Variants in ARMC2 observed in about 807,000 individuals in gnomAD.
ARMC2 encodes armadillo repeat containing 2, also known as armadillo repeat-containing protein 2.
A neutral mutation model predicts 90.3 loss-of-function variants in ARMC2; 67 were observed. The ratio of observed to expected loss-of-function variants is 0.74; its 90% CI spans 0.61 to 0.91. The LOEUF is 0.91. Among genes scored for constraint, ARMC2 ranks in the 40% least tolerant of loss-of-function variants. The pLI, the probability that ARMC2 is intolerant of heterozygous loss-of-function variation, is 0.00. For missense variants in ARMC2, 920 were observed against 1,030.9 expected (o/e 0.89, Z 1.47); for synonymous variants, 393 against 393.0 (o/e 1.00, Z 0.00).
intron 2 of ARMC2, among the ~76,000 whole-genome samples, chr6:108,855,250 C>G (rs1434067418): frequency 1.4e-4 from 20 of 138,182 alleles, no homozygotes; most frequent in Admixed American, 7.3e-4. Flanking sequence ...TTTTGTTTTT[C>G]TTTTTTTTTT....
intron 3 of ARMC2, among the ~76,000 whole-genome samples, chr6:108,860,346 A>T (rs1229800020): frequency 6.6e-6 from 1 of 151,894 alleles, no homozygotes; most frequent in Non-Finnish European, 1.5e-5. Flanking sequence ...CTGATGCCTC[A>T]TGCTGTTTGT....
chr6:108,978,715 T>C (rs1468040187), downstream of ARMC2, among the ~76,000 whole-genome samples: 1 of 152,224 alleles, frequency 6.6e-6, no homozygotes, highest in Non-Finnish European at 1.5e-5. Flanking sequence ...CAGTTAGTTC[T>C]TCTTGTTGCA....
the ARMC2 span, among the ~76,000 whole-genome samples, chr6:108,995,752 C>T: frequency 1.1e-4 from 16 of 152,180 alleles, 1 homozygote; most frequent in East Asian, 2.9e-3. Flanking sequence ...CCACTGTATT[C>T]CAGCCTGGAC....
the ARMC2 span, among the ~76,000 whole-genome samples, chr6:109,017,689 C>G: frequency 6.6e-6 from 1 of 152,058 alleles, no homozygotes; most frequent in East Asian, 1.9e-4. Context: ...TACAGATTAG[C>G]AGATAGCTTG....
chr6:109,002,271 A>T, the ARMC2 span: 2 of 1,612,392 alleles, frequency 1.2e-6, no homozygotes, highest in South Asian at 2.2e-5. Flanking sequence ...TTTCACAAAC[A>T]ACGTACCTCC....
chr6:108,884,957 G>A (rs1409690888), intron 5 of ARMC2, among the ~76,000 whole-genome samples: 1 of 152,102 alleles, frequency 6.6e-6, no homozygotes, highest in Admixed American at 6.5e-5. Context: ...TGCAGAAGAG[G>A]CCAGTCACAG....
At chr6:109,007,911 T>C in the ARMC2 span, among the ~76,000 whole-genome samples, 1 of 151,986 alleles carries the variant, frequency 6.6e-6, no homozygotes, top group East Asian at 1.9e-4. Context: ...AGGAGTTCCG[T>C]TTCTTGAAAG....
At chr6:108,858,892 A>G (rs1774934058) in intron 3 of ARMC2, among the ~76,000 whole-genome samples, 1 of 152,126 alleles carries the variant, frequency 6.6e-6, no homozygotes, top group African/African-American at 2.4e-5. Flanking sequence ...GAATTATCTA[A>G]TGACTTCTAA....
the ARMC2 span, among the ~76,000 whole-genome samples, chr6:109,020,207 T>C: frequency 6.6e-6 from 1 of 152,124 alleles, no homozygotes; most frequent in South Asian, 2.1e-4. Context: ...TTATGTATTG[T>C]CACAAGAGAA....
chr6:109,017,177 C>A, the ARMC2 span, among the ~76,000 whole-genome samples: 1 of 152,066 alleles, frequency 6.6e-6, no homozygotes, highest in Admixed American at 6.6e-5. Context: ...CTCTATTTGG[C>A]ATTGAGCCTT....
intron 10 of ARMC2, among the ~76,000 whole-genome samples, chr6:108,927,709 T>A (rs200743331): frequency 1.4e-5 from 2 of 145,190 alleles, no homozygotes; most frequent in African/African-American, 2.5e-5. Context: ...CCTATAAAAT[T>A]AAAAAAAAAA....
chr6:108,873,839 C>T (rs545798122), intron 4 of ARMC2, among the ~76,000 whole-genome samples: 1 of 152,306 alleles, frequency 6.6e-6, no homozygotes, highest in Admixed American at 6.5e-5. Context: ...CTCTCTGCCC[C>T]CTCCTTACCT....
chr6:108,988,733 C>T, the ARMC2 span: 2 of 1,459,566 alleles, frequency 1.4e-6, no homozygotes, highest in Non-Finnish European at 9.3e-7. Flanking sequence ...AGTGTATAAC[C>T]TGTTTTCATC....
chr6:108,924,724 T>A (rs1774946647), intron 10 of ARMC2, among the ~76,000 whole-genome samples: 1 of 152,080 alleles, frequency 6.6e-6, no homozygotes, highest in Non-Finnish European at 1.5e-5. Flanking sequence ...AGGCTATGGG[T>A]GCTACTGGCT....
chr6:109,048,803 A>G, the ARMC2 span, among the ~76,000 whole-genome samples: 25,954 of 152,166 alleles, frequency 0.17, 2,453 homozygotes, highest in Middle Eastern at 0.25. Context: ...AGGAAGATAC[A>G]TCACAATTTA....
intron 12 of ARMC2, among the ~76,000 whole-genome samples, chr6:108,948,494 G>A (rs576339365): frequency 6.6e-6 from 1 of 151,286 alleles, no homozygotes; most frequent in Admixed American, 6.6e-5. Flanking sequence ...AAAACAGTAA[G>A]CAGAGATAGC....
the ARMC2 span, among the ~76,000 whole-genome samples, chr6:109,032,295 C>A: frequency 1.3e-5 from 2 of 151,618 alleles, no homozygotes; most frequent in Admixed American, 6.6e-5. Flanking sequence ...GAGTTTGGAG[C>A]ATTTCAGATG....
At chr6:108,937,024 T>C (rs1267306116) in intron 12 of ARMC2, 25 bp downstream of exon 12, 1 of 1,516,710 alleles carries the variant, frequency 6.6e-7, no homozygotes, top group Non-Finnish European at 9.0e-7. Context: ...CATTTAATTC[T>C]TCAATGAGTC....
chr6:108,960,616 G>C lies in ARMC2; in HGVS notation c.1916-956G>C, dbSNP rs76620091. ...TTAAACACATATATAACATCAGGTG[G>C]TCATATGTGCTATGGAGAAAATTAA... On this transcript the variant is annotated intron_variant, in intron 13 of 17. Transcript: ENST00000392644. 8.8e-3 allele frequency among the ~76,000 whole-genome samples: 1,339 copies of C among 152,308 alleles called. 23 individuals are homozygous for C. Among genetic ancestry groups the C allele is most frequent in the African/African-American group, 0.031 (1,287 of 41,564 alleles).
Sources: gnomAD v4.1 joint callset for allele counts (sites outside exome capture counted in the v4.1 genomes callset) on GRCh38, gnomAD v4.1.1 for gene constraint, MANE v1.5 for transcripts, NCBI Gene and HGNC (gene_info 2026-07-23, HGNC 2026-07-21) for gene names.